The following TRAF3 variants were observed in gnomAD, a reference collection of about 807,000 sequenced individuals.
The protein encoded by TRAF3 is TNF receptor-associated factor 3.
Under a neutral mutation model 62.3 loss-of-function variants are expected in TRAF3, and 13 were observed. The observed-to-expected ratio is 0.21, with a 90% CI of 0.14 to 0.33. The LOEUF is 0.33. Among genes scored for constraint, TRAF3 ranks in the 10% least tolerant of loss-of-function variants. TRAF3 has a pLI of 1.00. For missense variants in TRAF3, 440 were observed against 741.8 expected (o/e 0.59, Z 4.73); for synonymous variants, 269 against 283.4 (o/e 0.95, Z 0.51).
chr14:102,854,801 GTT>G (rs35634271), intron 2 of TRAF3, among the ~76,000 whole-genome samples: 9,427 of 136,828 alleles, frequency 0.069, 349 homozygotes, highest in African/African-American at 0.11. Context: ...GCACCTGGCT[GTT>G]TTTTTTTTTT....
At chr14:102,899,053 G>A (rs983091973) in intron 10 of TRAF3, among the ~76,000 whole-genome samples, 30 of 152,130 alleles carry the variant, frequency 2.0e-4, no homozygotes, top group African/African-American at 5.8e-4. Flanking sequence ...CAGGCTGCCC[G>A]CGCCTGATTC....
intron 1 of TRAF3, among the ~76,000 whole-genome samples, chr14:102,796,667 C>CTT (rs1284459844): frequency 6.6e-6 from 1 of 152,192 alleles, no homozygotes; most frequent in Non-Finnish European, 1.5e-5. Context: ...CCCAAACAGC[C>CTT]CCTGGTCGAT....
chr14:102,874,180 G>A (rs1055234863), intron 4 of TRAF3, among the ~76,000 whole-genome samples: 1 of 152,182 alleles, frequency 6.6e-6, no homozygotes, highest in African/African-American at 2.4e-5. Context: ...TGAGAGGATC[G>A]CTTGAGCCCA....
intron 2 of TRAF3, among the ~76,000 whole-genome samples, chr14:102,857,103 C>T (rs1403338314): frequency 6.6e-6 from 1 of 152,298 alleles, no homozygotes; most frequent in East Asian, 1.9e-4. Context: ...GTTGTTGAAA[C>T]CAAACTGATA....
chr14:102,778,573 ATGCGTGG>A (rs1197058435), intron 1 of TRAF3, among the ~76,000 whole-genome samples: 4 of 149,842 alleles, frequency 2.7e-5, no homozygotes, highest in South Asian at 2.2e-4. Flanking sequence ...ATGACATGTG[ATGCGTGG>A]TGCGTGGTGT....
chr14:102,838,807 A>T (rs571626457), intron 2 of TRAF3, among the ~76,000 whole-genome samples: 3 of 152,136 alleles, frequency 2.0e-5, no homozygotes, highest in African/African-American at 7.2e-5. Flanking sequence ...TGGAGGGGGT[A>T]TGTTGTGAAT....
intron 2 of TRAF3, among the ~76,000 whole-genome samples, chr14:102,856,097 CAAAAAAA>C (rs3070340): frequency 7.9e-5 from 5 of 62,952 alleles, no homozygotes; most frequent in African/African-American, 1.1e-4. Context: ...CCCTGTCTCA[CAAAAAAA>C]AAAAAAAAAA....
intron 2 of TRAF3, among the ~76,000 whole-genome samples, chr14:102,846,573 T>C (rs753654012): frequency 3.6e-5 from 5 of 137,080 alleles, no homozygotes; most frequent in Non-Finnish European, 7.5e-5. Flanking sequence ...GAGGCTGAGA[T>C]GGGAGGATCA....
intron 10 of TRAF3, among the ~76,000 whole-genome samples, chr14:102,899,783 G>A (rs1349418544): frequency 6.6e-6 from 1 of 152,160 alleles, no homozygotes; most frequent in African/African-American, 2.4e-5. Context: ...TGCAGGCAGG[G>A]GGTCAAGGAG....
At position 102,800,100 on chromosome 14, in the gene TRAF3, T is replaced by C. The variant is rs188490693; in HGVS notation, c.-157+22425T>C. Among the ~76,000 whole-genome samples the C allele has an allele frequency of 5.4e-3, 820 of 152,278 alleles. 6 individuals carry two copies. The highest frequency in any genetic ancestry group is 9.9e-3 in the Admixed American group (151 of 15,298). On this transcript the variant is annotated intron_variant, in intron 1 of 11. Transcript: ENST00000392745. ...GTGATTTATTTCTCTTAATGGGCTA[T>C]TAGAAATGACCACAAAAACTGAGGC... is the stretch of plus-strand genomic sequence containing the variant.
chr14:102,903,587 T>G lies in TRAF3; in HGVS notation c.1135+158T>G, dbSNP rs564861440. 9.3e-7 allele frequency: 1 copy of G among 1,075,150 alleles called. No individual in the cohort carries two copies. The highest frequency in any genetic ancestry group is 2.6e-5 in the East Asian group (1 of 38,696). 66.6% of individuals were successfully genotyped at this position (1,075,150 alleles called of 1,614,324 possible). ...CGCAGAGGTGTGATGACTTTCCTACTGAAAGTCCCCCAGCAAAGACAAACG... is the reference window on the plus strand; with the variant it reads ...CGCAGAGGTGTGATGACTTTCCTACGGAAAGTCCCCCAGCAAAGACAAACG... On this transcript the variant is annotated intron_variant, in intron 11 of 11. Transcript: ENST00000392745. This position sits in a 1 kb window ranked among gnomAD's most constrained non-coding sequence, Gnocchi z 6.4.
chr14:102,874,472 T>G (rs1007965932), intron 4 of TRAF3, among the ~76,000 whole-genome samples: 4 of 152,230 alleles, frequency 2.6e-5, no homozygotes, highest in Non-Finnish European at 5.9e-5. Context: ...TTGGCCAGGC[T>G]GGTCTCAAAC....
At chr14:102,829,979 T>A (rs1467031860) in intron 1 of TRAF3, among the ~76,000 whole-genome samples, 1 of 151,946 alleles carries the variant, frequency 6.6e-6, no homozygotes, top group African/African-American at 2.4e-5. Context: ...AAAGATAAAA[T>A]AAAATAAATA....
chr14:102,893,347 G>A (rs966689183), intron 9 of TRAF3, among the ~76,000 whole-genome samples: 5 of 149,008 alleles, frequency 3.4e-5, no homozygotes, highest in Admixed American at 2.0e-4. Flanking sequence ...CCAAGATCGC[G>A]CCACTGCACT....
intron 2 of TRAF3, among the ~76,000 whole-genome samples, chr14:102,833,220 A>G (rs1885759821): frequency 6.6e-6 from 1 of 152,204 alleles, no homozygotes; most frequent in Non-Finnish European, 1.5e-5. Flanking sequence ...CACTCAGTAC[A>G]TGTTGGGTGA....
chr14:102,794,495 TATCTTAAGCCTGGGC>T (rs1267543575), intron 1 of TRAF3, among the ~76,000 whole-genome samples: 19 of 152,246 alleles, frequency 1.2e-4, no homozygotes, highest in Admixed American at 6.5e-5. Context: ...GAGCTGCCAG[TATCTTAAGCCTGGGC>T]TTGGATATCA....
In TRAF3 at chr14:102,866,493, A is replaced by G. The variant is rs566123823; in HGVS notation, c.-17-3692A>G. ...AACTAACAAAGGATTAGCTGTTAACATATTAAATAGATGGGGAATCTCCCC... is the reference window on the plus strand; with the variant it reads ...AACTAACAAAGGATTAGCTGTTAACGTATTAAATAGATGGGGAATCTCCCC... On this transcript the variant is annotated intron_variant, in intron 2 of 11. Transcript: ENST00000392745. Among the ~76,000 whole-genome samples the G allele has an allele frequency of 4.5e-4, 68 of 152,358 alleles. No homozygotes were observed. In the South Asian group the frequency reaches 0.013, roughly 29 times the overall value.
At chr14:102,831,622 T>C (rs1247571165) in intron 2 of TRAF3, among the ~76,000 whole-genome samples, 1 of 152,190 alleles carries the variant, frequency 6.6e-6, no homozygotes, top group Non-Finnish European at 1.5e-5. Flanking sequence ...TGCTGCCCGC[T>C]GCCCTTATGT....
intron 2 of TRAF3, among the ~76,000 whole-genome samples, chr14:102,841,971 G>T (rs555756520): frequency 1.3e-5 from 2 of 152,136 alleles, no homozygotes; most frequent in Non-Finnish European, 2.9e-5. Context: ...AATGCCGGGC[G>T]CAGTGGCTCA....
Sources: allele counts gnomAD v4.1 joint callset (sites outside exome capture counted in the v4.1 genomes callset), GRCh38; gene constraint gnomAD v4.1.1; non-coding constraint Gnocchi (gnomAD v3.1); transcripts MANE v1.5; gene names NCBI Gene and HGNC (gene_info 2026-07-23, HGNC 2026-07-21).